The following PXDNL variants were observed in gnomAD, a reference collection of about 807,000 sequenced individuals.
The protein encoded by PXDNL is probable oxidoreductase PXDNL.
A neutral mutation model predicts 150.8 loss-of-function variants in PXDNL; 145 were observed. The observed-to-expected ratio is 0.96, with a 90% CI of 0.84 to 1.10. PXDNL has a LOEUF of 1.10. PXDNL is among the 50% of genes least tolerant of loss of function. The pLI, the probability that PXDNL is intolerant of heterozygous loss-of-function variation, is 0.00. For missense variants in PXDNL, 2,087 were observed against 1,873.9 expected (o/e 1.11, Z -2.10); for synonymous variants, 757 against 725.7 (o/e 1.04, Z -0.69).
intron 10 of PXDNL, 128 bp downstream of exon 10, chr8:51,453,391 T>A: frequency 9.8e-7 from 1 of 1,025,534 alleles, no homozygotes; most frequent in Non-Finnish European, 1.4e-6. Context: ...GAAAATCTTA[T>A]TGTGTCAAAA....
At chr8:51,356,497 T>TAAAAAAAAAAAA (rs11412665) in intron 19 of PXDNL, among the ~76,000 whole-genome samples, 1 of 134,680 alleles carries the variant, frequency 7.4e-6, no homozygotes, top group Non-Finnish European at 1.6e-5. Context: ...AAAAAAAGAA[T>TAAAAAAAAAAAA]AAAAAAAAAA....
At chr8:51,478,294 T>C (rs1230352145) in intron 6 of PXDNL, among the ~76,000 whole-genome samples, 1 of 152,186 alleles carries the variant, frequency 6.6e-6, no homozygotes, top group African/African-American at 2.4e-5. Flanking sequence ...TCAAATATCA[T>C]ACCAAGTATA....
At chr8:51,448,329 T>A (rs1809725730) in intron 11 of PXDNL, among the ~76,000 whole-genome samples, 1 of 152,212 alleles carries the variant, frequency 6.6e-6, no homozygotes, top group African/African-American at 2.4e-5. Context: ...TTTTTGGAGC[T>A]TCACTTCGGA....
intron 1 of PXDNL, among the ~76,000 whole-genome samples, chr8:51,783,482 C>G (rs2037434030): frequency 6.6e-6 from 1 of 152,184 alleles, no homozygotes; most frequent in South Asian, 2.1e-4. Context: ...CTGGAATGTT[C>G]ACATCCCTTT....
chr8:51,803,888 G>A (rs564824312), intron 1 of PXDNL, among the ~76,000 whole-genome samples: 1 of 152,218 alleles, frequency 6.6e-6, no homozygotes, highest in East Asian at 1.9e-4. Context: ...TCTCCCTCCT[G>A]AGCTTATATA....
At chr8:51,696,791 C>CACATCCCCACACACACACACACACACA (rs1816147884) in intron 1 of PXDNL, among the ~76,000 whole-genome samples, 2 of 2,048 alleles carry the variant, frequency 9.8e-4, no homozygotes, top group Non-Finnish European at 1.9e-3. Flanking sequence ...ACATACCCAC[C>CACATCCCCACACACACACACACACACA]CACACATAGG....
chr8:51,570,890 G>T (rs1292761058), intron 3 of PXDNL, among the ~76,000 whole-genome samples: 1 of 151,712 alleles, frequency 6.6e-6, no homozygotes, highest in Non-Finnish European at 1.5e-5. Flanking sequence ...TGATATATAT[G>T]CAATAGTAGC....
At chr8:51,690,846 T>C (rs1232916194) in intron 1 of PXDNL, among the ~76,000 whole-genome samples, 1 of 152,168 alleles carries the variant, frequency 6.6e-6, no homozygotes, top group Non-Finnish European at 1.5e-5. Context: ...TTCCTGACTT[T>C]TTAATGATCG....
chr8:51,341,028 G>T (rs914095974), intron 20 of PXDNL, among the ~76,000 whole-genome samples: 2 of 152,252 alleles, frequency 1.3e-5, no homozygotes, highest in African/African-American at 4.8e-5. Context: ...ATGTTGGTGA[G>T]CCCAGATGTT....
At chr8:51,600,216 C>T (rs1184528055) in intron 2 of PXDNL, among the ~76,000 whole-genome samples, 1 of 139,266 alleles carries the variant, frequency 7.2e-6, no homozygotes, top group Non-Finnish European at 1.5e-5. Flanking sequence ...TAAATTATAT[C>T]TCATATAAAT....
intron 3 of PXDNL, among the ~76,000 whole-genome samples, chr8:51,591,321 C>T (rs553853109): frequency 4.6e-5 from 7 of 152,226 alleles, no homozygotes; most frequent in East Asian, 3.9e-4. Flanking sequence ...GTTAGGCGAG[C>T]AGATGGAATT....
intron 21 of PXDNL, among the ~76,000 whole-genome samples, chr8:51,326,445 C>G (rs1385268188): frequency 6.6e-6 from 1 of 152,144 alleles, no homozygotes; most frequent in Admixed American, 6.6e-5. Context: ...TTGCAGTGAG[C>G]CGAGATTGCA....
intron 4 of PXDNL, among the ~76,000 whole-genome samples, chr8:51,527,509 A>G (rs1811795544): frequency 6.6e-6 from 1 of 152,206 alleles, no homozygotes; most frequent in South Asian, 2.1e-4. Flanking sequence ...GCTGCTTTAT[A>G]TGAAGTATCC....
At chr8:51,364,769 A>T (rs1586037465) in intron 19 of PXDNL, among the ~76,000 whole-genome samples, 1 of 152,310 alleles carries the variant, frequency 6.6e-6, no homozygotes, top group East Asian at 1.9e-4. Context: ...GCCATCGGTT[A>T]TGGAGAAAAT....
intron 4 of PXDNL, among the ~76,000 whole-genome samples, chr8:51,520,383 G>A (rs376508357): frequency 2.1e-4 from 32 of 152,260 alleles, no homozygotes; most frequent in African/African-American, 7.5e-4. Flanking sequence ...ACCTGGCTGC[G>A]GGGAAGGGAC....
chr8:51,345,043 T>C (rs978291897), intron 20 of PXDNL, among the ~76,000 whole-genome samples: 1 of 152,194 alleles, frequency 6.6e-6, no homozygotes, highest in African/African-American at 2.4e-5. Flanking sequence ...AAAATGGATT[T>C]TGAATTTGAC....
chr8:51,453,441 T>C, intron 10 of PXDNL, 78 bp downstream of exon 10: 1 of 1,392,148 alleles, frequency 7.2e-7, no homozygotes, highest in Non-Finnish European at 1.0e-6. Flanking sequence ...CTGATGTACA[T>C]GACATTATTT....
intron 17 of PXDNL, among the ~76,000 whole-genome samples, chr8:51,380,152 C>A (rs564960608): frequency 1.3e-5 from 2 of 151,730 alleles, no homozygotes; most frequent in Non-Finnish European, 2.9e-5. Context: ...AACAAAAAAA[C>A]TCATAATATT....
intron 1 of PXDNL, among the ~76,000 whole-genome samples, chr8:51,733,943 A>C (rs1182453366): frequency 6.6e-6 from 1 of 151,074 alleles, no homozygotes; most frequent in African/African-American, 2.4e-5. Context: ...TTTGAGTAAC[A>C]TATCTGCAAA....
Sources: gnomAD v4.1 joint callset for allele counts (sites outside exome capture counted in the v4.1 genomes callset) on GRCh38, gnomAD v4.1.1 for gene constraint, MANE v1.5 for transcripts, NCBI Gene and HGNC (gene_info 2026-07-23, HGNC 2026-07-21) for gene names.